RYR2: variants seen among roughly 807,000 people sequenced by gnomAD.
RYR2 encodes the protein ryanodine receptor 2, also known as cardiac muscle ryanodine receptor-calcium release channel.
RYR2 carries 227 observed loss-of-function variants against 601.1 expected under a neutral mutation model. The observed-to-expected ratio is 0.38, with a 90% CI of 0.34 to 0.42. The LOEUF (loss-of-function observed/expected upper bound fraction) is 0.42. RYR2 is among the 10% of genes least tolerant of loss of function. RYR2 has a pLI of 1.00. For synonymous variants in RYR2, 2,223 were observed against 2,175.1 expected, an observed-to-expected ratio of 1.02 and a Z score of -0.61; for missense variants, 4,646 against 6,156.5, an observed-to-expected ratio of 0.75 and a Z score of 8.21.
intron 64 of RYR2, 122 bp downstream of exon 64, chr1:237,699,147 G>T: frequency 1.9e-6 from 1 of 520,768 alleles, no homozygotes; most frequent in African/African-American, 2.0e-5. Context: ...AAAGTCTTTA[G>T]TGTAGGTGAA....
At chr1:237,323,459 G>A (rs1409463459) in intron 2 of RYR2, among the ~76,000 whole-genome samples, 1 of 152,102 alleles carries the variant, frequency 6.6e-6, no homozygotes, top group Non-Finnish European at 1.5e-5. Flanking sequence ...AATTAGAGAG[G>A]TATGATGGAA....
intron 38 of RYR2, among the ~76,000 whole-genome samples, chr1:237,622,576 T>C (rs912513330): frequency 1.3e-5 from 2 of 152,180 alleles, no homozygotes; most frequent in Non-Finnish European, 2.9e-5. Flanking sequence ...GTCCTCTCTA[T>C]CTGTGGGTTC....
At chr1:237,310,590 C>T (rs1010909839) in intron 2 of RYR2, among the ~76,000 whole-genome samples, 6 of 152,142 alleles carry the variant, frequency 3.9e-5, no homozygotes, top group Admixed American at 2.6e-4. Flanking sequence ...CACTTTACCC[C>T]TTTAAATATT....
chr1:237,399,987 C>A (rs12569314), intron 10 of RYR2, among the ~76,000 whole-genome samples: 62,796 of 151,668 alleles, frequency 0.41, 13,962 homozygotes, highest in East Asian at 0.71. Context: ...AGAAAGATTT[C>A]TTGTGTCTTA....
At chr1:237,554,882 C>T (rs945344985) in intron 27 of RYR2, among the ~76,000 whole-genome samples, 4 of 151,964 alleles carry the variant, frequency 2.6e-5, no homozygotes, top group African/African-American at 9.7e-5. Context: ...ATCTTGATCA[C>T]TTCTCTAAGG....
At position 237,742,293 on chromosome 1, in the gene RYR2, C is replaced by G; in HGVS notation, c.11092-3C>G. 6.8e-7 allele frequency: 1 copy of G among 1,468,986 alleles called. No individual in the cohort carries two copies. The highest frequency in any genetic ancestry group is 9.2e-7 in the Non-Finnish European group (1 of 1,085,570). The allele number at this position is 1,468,986 out of a possible 1,614,324, so 91.0% of individuals were successfully genotyped here. The stretch of plus-strand genomic sequence containing the variant: ...TCCTTTTTTTTTTTTTTTAAATATA[C>G]AGAGTTGTCATGATGAGGAAGATGA... On this transcript the variant is annotated splice_region_variant and splice_polypyrimidine_tract_variant and intron_variant, in intron 79 of 104. Transcript: ENST00000366574.
chr1:237,065,607 A>C (rs938351154), intron 1 of RYR2, among the ~76,000 whole-genome samples: 3 of 151,930 alleles, frequency 2.0e-5, no homozygotes, highest in Non-Finnish European at 4.4e-5. Flanking sequence ...ATAGTCATAC[A>C]CTTCCTCCTT....
chr1:237,283,988 T>C (rs1202906487), intron 2 of RYR2, among the ~76,000 whole-genome samples: 1 of 152,224 alleles, frequency 6.6e-6, no homozygotes, highest in Non-Finnish European at 1.5e-5. Flanking sequence ...CAAAGTCATA[T>C]CATTCTTATG....
intron 2 of RYR2, 120 bp from the exon 3 acceptor site, chr1:237,330,758 T>C (rs1304414349): frequency 1.1e-5 from 8 of 739,384 alleles, no homozygotes; most frequent in Non-Finnish European, 1.9e-5. Flanking sequence ...ACTGGGGAAC[T>C]TGCAGTAGAA....
At chr1:237,262,871 G>A (rs1250883688) in intron 1 of RYR2, among the ~76,000 whole-genome samples, 2 of 151,988 alleles carry the variant, frequency 1.3e-5, no homozygotes, top group East Asian at 3.9e-4. Context: ...AGGAGTAAGA[G>A]TTTAGGGAAA....
rs1347900567 is a variant in RYR2 at position 237,565,157 on chromosome 1, C to CTTTCTT, written c.3215-1409_3215-1408insTTCTTT. On this transcript the variant is annotated intron_variant, in intron 27 of 104. Coordinates refer to ENST00000366574, the MANE Select transcript of RYR2 (RefSeq NM_001035.3). ...TTTCTTTCTTTTTCTTTCTTTCTTT[C>CTTTCTT]TCTTTCTTTCTTTCTTTCTTTCTTT... Among the ~76,000 whole-genome samples, 3 of 52,868 alleles carry CTTTCTT rather than the reference C, an allele frequency of 5.7e-5. 1 individual carries two copies. The highest frequency in any genetic ancestry group is 1.5e-4 in the Non-Finnish European group (3 of 20,174). 34.7% of individuals were successfully genotyped at this position (52,868 alleles called of 152,430 possible). A position where few individuals can be genotyped will look rare whatever the true frequency, so the allele number is the denominator to read the frequency against.
At chr1:237,128,821 G>A (rs1671825465) in intron 1 of RYR2, among the ~76,000 whole-genome samples, 1 of 152,142 alleles carries the variant, frequency 6.6e-6, no homozygotes, top group Non-Finnish European at 1.5e-5. Context: ...ATGCTAGCAG[G>A]AGAGGTGGAG....
chr1:237,168,778 A>G (rs528085502), intron 1 of RYR2, among the ~76,000 whole-genome samples: 2 of 152,338 alleles, frequency 1.3e-5, no homozygotes, highest in Admixed American at 1.3e-4. Context: ...CGAATGCTCT[A>G]CATTGTCTGT....
At chr1:237,414,168 G>T (rs1207398737) in intron 10 of RYR2, among the ~76,000 whole-genome samples, 1 of 152,168 alleles carries the variant, frequency 6.6e-6, no homozygotes, top group East Asian at 1.9e-4. Flanking sequence ...TTGTGTGAGT[G>T]TGTCTATTTA....
chr1:237,583,203 G>C (rs900573254), intron 29 of RYR2, among the ~76,000 whole-genome samples: 1 of 152,006 alleles, frequency 6.6e-6, no homozygotes, highest in African/African-American at 2.4e-5. Context: ...TTTCATGTTT[G>C]TTGGCTGCTT....
At chr1:237,150,146 G>A (rs1674551152) in intron 1 of RYR2, among the ~76,000 whole-genome samples, 1 of 152,160 alleles carries the variant, frequency 6.6e-6, no homozygotes, top group South Asian at 2.1e-4. Context: ...CCTTTCCTAG[G>A]GTTTGGAAAT....
At chr1:237,326,876 T>C (rs958083539) in intron 2 of RYR2, among the ~76,000 whole-genome samples, 1 of 152,322 alleles carries the variant, frequency 6.6e-6, no homozygotes, top group African/African-American at 2.4e-5. Flanking sequence ...TGATCTTTAA[T>C]GAATGAATGA....
chr1:237,231,651 A>T (rs185348328), intron 1 of RYR2, among the ~76,000 whole-genome samples: 48 of 152,330 alleles, frequency 3.2e-4, no homozygotes, highest in African/African-American at 1.0e-3. Flanking sequence ...ATGAACATAG[A>T]ACATGGTTTA....
At chr1:237,326,592 G>A (rs1696196963) in intron 2 of RYR2, among the ~76,000 whole-genome samples, 1 of 152,152 alleles carries the variant, frequency 6.6e-6, no homozygotes, top group African/African-American at 2.4e-5. Flanking sequence ...GTATTTCGAA[G>A]CACTTATAAT....
Sources: allele counts gnomAD v4.1 joint callset (sites outside exome capture counted in the v4.1 genomes callset), GRCh38; gene constraint gnomAD v4.1.1; transcripts MANE v1.5; gene names NCBI Gene and HGNC (gene_info 2026-07-23, HGNC 2026-07-21).